Variants in RRAS2 observed in about 807,000 individuals in gnomAD.
RRAS2 encodes RAS related 2.
RRAS2 carries 7 observed loss-of-function variants against 27.6 expected under a neutral mutation model. That is an observed-to-expected ratio of 0.25 (90% CI 0.14 to 0.48). The LOEUF (loss-of-function observed/expected upper bound fraction) is 0.48, where lower values mean the gene tolerates loss of function less well. Ranked by LOEUF, RRAS2 falls within the 20% of genes least tolerant of loss-of-function variation. The pLI, the probability that RRAS2 is intolerant of heterozygous loss-of-function variation, is 0.99. For missense variants in RRAS2, 178 were observed against 256.2 expected, an observed-to-expected ratio of 0.69 and a Z score of 2.08; for synonymous variants, 86 against 90.9, an observed-to-expected ratio of 0.95 and a Z score of 0.31.
chr11:14,301,197 T>G (rs1027618849), intron 1 of RRAS2, among the ~76,000 whole-genome samples: 1 of 152,232 alleles, frequency 6.6e-6, no homozygotes, highest in Non-Finnish European at 1.5e-5. Flanking sequence ...ATACTGAATC[T>G]GGGCAACGTG....
intron 1 of RRAS2, among the ~76,000 whole-genome samples, chr11:14,323,539 C>T (rs540454726): frequency 3.9e-5 from 6 of 151,994 alleles, no homozygotes; most frequent in African/African-American, 1.4e-4. Flanking sequence ...TCCCCCTCTT[C>T]CCCCCACCGG....
chr11:14,361,044 G>A (rs890537130), upstream of RRAS2, among the ~76,000 whole-genome samples: 21 of 150,948 alleles, frequency 1.4e-4, no homozygotes, highest in Admixed American at 2.6e-4. Flanking sequence ...CCAACACTTC[G>A]GGAGGCCGAG....
intron 1 of RRAS2, among the ~76,000 whole-genome samples, chr11:14,311,222 A>G (rs968224027): frequency 1.3e-5 from 2 of 152,148 alleles, no homozygotes; most frequent in Non-Finnish European, 2.9e-5. Context: ...GGGTACACCT[A>G]TAATCCAGCT....
chr11:14,313,631 G>C (rs1564966715), intron 1 of RRAS2, among the ~76,000 whole-genome samples: 1 of 152,122 alleles, frequency 6.6e-6, no homozygotes, highest in Non-Finnish European at 1.5e-5. Flanking sequence ...GCAAAACACA[G>C]AAAATAACCC....
chr11:14,281,963 A>G (rs1849550431), intron 4 of RRAS2, among the ~76,000 whole-genome samples: 1 of 152,224 alleles, frequency 6.6e-6, no homozygotes, highest in South Asian at 2.1e-4. Context: ...ATCACACAAA[A>G]AGTATTAAAT....
intron 1 of RRAS2, among the ~76,000 whole-genome samples, chr11:14,326,346 C>G (rs781812086): frequency 7.9e-5 from 12 of 152,080 alleles, no homozygotes; most frequent in Non-Finnish European, 1.2e-4. Flanking sequence ...AATTTCTATG[C>G]CAGGAAGTAT....
At chr11:14,304,986 T>C (rs1847799808) in intron 1 of RRAS2, among the ~76,000 whole-genome samples, 2 of 152,222 alleles carry the variant, frequency 1.3e-5, no homozygotes, top group South Asian at 4.1e-4. Context: ...TGTACAATTA[T>C]ATATGTCTAT....
intron 1 of RRAS2, among the ~76,000 whole-genome samples, chr11:14,298,724 C>A (rs1302400791): frequency 6.6e-6 from 1 of 152,162 alleles, no homozygotes; most frequent in African/African-American, 2.4e-5. Flanking sequence ...AAAGAGCCAT[C>A]CACATTGAAA....
intron 1 of RRAS2, among the ~76,000 whole-genome samples, chr11:14,343,668 C>CA (rs1464110509): frequency 1.6e-4 from 24 of 150,654 alleles, no homozygotes; most frequent in African/African-American, 4.4e-4. Flanking sequence ...CCGTCTCTAC[C>CA]AAAAAAAATA....
At chr11:14,321,158 A>C (rs1554950230) in intron 1 of RRAS2, among the ~76,000 whole-genome samples, 2 of 151,976 alleles carry the variant, frequency 1.3e-5, no homozygotes, top group East Asian at 3.9e-4. Context: ...CACCCTAGAC[A>C]ACAGACCAAG....
intron 1 of RRAS2, among the ~76,000 whole-genome samples, chr11:14,347,422 G>A (rs1848859080): frequency 6.6e-6 from 1 of 152,150 alleles, no homozygotes; most frequent in South Asian, 2.1e-4. Flanking sequence ...ATGTACGAAA[G>A]GAGTGGGTAG....
chr11:14,360,153 G>T (rs1849170785), upstream of RRAS2, among the ~76,000 whole-genome samples: 1 of 151,340 alleles, frequency 6.6e-6, no homozygotes, highest in Non-Finnish European at 1.5e-5. Context: ...ATGTAGGCAT[G>T]CCAGTCGAAG....
chr11:14,349,175 C>CT (rs1463711405), intron 1 of RRAS2, among the ~76,000 whole-genome samples: 1 of 148,342 alleles, frequency 6.7e-6, no homozygotes, highest in Non-Finnish European at 1.5e-5. Context: ...TTTTTAGAGA[C>CT]AGAGTCTTGC....
At chr11:14,337,310 T>C (rs551649128) in intron 1 of RRAS2, 1 of 152,208 alleles carries the variant, frequency 6.6e-6, no homozygotes, top group African/African-American at 2.4e-5. Context: ...CCGTTAGTCA[T>C]CAACACTGAC....
At chr11:14,296,733 T>C (rs1847562152) in intron 1 of RRAS2, among the ~76,000 whole-genome samples, 1 of 152,186 alleles carries the variant, frequency 6.6e-6, no homozygotes. Context: ...ACTTACTCTT[T>C]CACTGACATC....
chr11:14,307,517 A>G (rs578163804), intron 1 of RRAS2, among the ~76,000 whole-genome samples: 17 of 62,780 alleles, frequency 2.7e-4, no homozygotes, highest in African/African-American at 6.7e-4. Flanking sequence ...GCCTCCCGAG[A>G]AGCTGGGATA....
intron 1 of RRAS2, among the ~76,000 whole-genome samples, chr11:14,333,191 A>C (rs77337842): frequency 1.3e-5 from 2 of 152,116 alleles, no homozygotes; most frequent in Non-Finnish European, 2.9e-5. Flanking sequence ...AGTCCACTAG[A>C]AAAAAGAGTT....
At chr11:14,322,432 G>C (rs1554950409) in intron 1 of RRAS2, among the ~76,000 whole-genome samples, 1 of 151,202 alleles carries the variant, frequency 6.6e-6, no homozygotes, top group Admixed American at 6.6e-5. Flanking sequence ...AATGTGAGGA[G>C]ACTCTGTCTC....
intron 1 of RRAS2, among the ~76,000 whole-genome samples, chr11:14,302,923 A>G (rs1847750601): frequency 6.6e-6 from 1 of 152,186 alleles, no homozygotes; most frequent in Non-Finnish European, 1.5e-5. Context: ...TTTGAACCTC[A>G]GTTTCCTTGT....
Sources: gnomAD v4.1 joint callset for allele counts (sites outside exome capture counted in the v4.1 genomes callset) on GRCh38, gnomAD v4.1.1 for gene constraint, MANE v1.5 for transcripts, NCBI Gene and HGNC (gene_info 2026-07-23, HGNC 2026-07-21) for gene names.